TUB: variants seen among roughly 807,000 people sequenced by gnomAD.
The protein encoded by TUB is tubby protein homolog.
Under a neutral mutation model 59.7 loss-of-function variants are expected in TUB, and 33 were observed. That is an observed-to-expected ratio of 0.55 (90% CI 0.42 to 0.74). TUB has a LOEUF of 0.74. TUB is among the 30% of genes least tolerant of loss of function. The pLI, the probability that TUB is intolerant of heterozygous loss-of-function variation, is 0.00. For missense variants in TUB, 659 were observed against 672.0 expected, an observed-to-expected ratio of 0.98 and a Z score of 0.21; for synonymous variants, 293 against 256.4, an observed-to-expected ratio of 1.14 and a Z score of -1.36.
chr11:8,100,680 G>A, intron 10 of TUB, 79 bp downstream of exon 10: 11 of 1,510,192 alleles, frequency 7.3e-6, no homozygotes, highest in Non-Finnish European at 1.0e-5. Flanking sequence ...AACTCCAGCT[G>A]ATGTGTGTAT....
chr11:8,095,415 C>T (rs960318807), intron 4 of TUB, 83 bp from the exon 5 acceptor site: 32 of 1,448,790 alleles, frequency 2.2e-5, no homozygotes, highest in Non-Finnish European at 3.0e-5. Flanking sequence ...CCACTCTTCC[C>T]TCATCCCCTT....
chr11:8,073,244 A>G (rs1943390247), intron 2 of TUB, among the ~76,000 whole-genome samples: 1 of 152,174 alleles, frequency 6.6e-6, no homozygotes, highest in South Asian at 2.1e-4. Context: ...AGAGTCTGAT[A>G]TTTAGAATCA....
chr11:8,094,793 G>C (rs1168967543), intron 4 of TUB, among the ~76,000 whole-genome samples: 1 of 152,332 alleles, frequency 6.6e-6, no homozygotes, highest in East Asian at 1.9e-4. Flanking sequence ...TTTTGTTCAC[G>C]GACAGTGGTT....
chr11:8,065,395 G>A (rs1365232480), intron 2 of TUB, among the ~76,000 whole-genome samples: 1 of 152,196 alleles, frequency 6.6e-6, no homozygotes, highest in African/African-American at 2.4e-5. Context: ...ACAGAGTTAA[G>A]AAGTGGTTTC....
chr11:8,065,021 G>C (rs1015273644), intron 2 of TUB, among the ~76,000 whole-genome samples: 1 of 152,228 alleles, frequency 6.6e-6, no homozygotes, highest in African/African-American at 2.4e-5. Context: ...AGGATGCTAG[G>C]GGATGAGAGG....
At chr11:8,079,912 T>A (rs1316119994), upstream of TUB, among the ~76,000 whole-genome samples, 1 of 152,142 alleles carries the variant, frequency 6.6e-6, no homozygotes, top group Non-Finnish European at 1.5e-5. Flanking sequence ...CCTTCTAGGG[T>A]GGCTATGAGG....
chr11:8,041,588 A>T (rs1462363060), intron 2 of TUB, among the ~76,000 whole-genome samples: 1 of 152,108 alleles, frequency 6.6e-6, no homozygotes, highest in Non-Finnish European at 1.5e-5. Flanking sequence ...CCACCTGTGA[A>T]ACCTTAATCT....
chr11:8,046,681 G>C (rs1178583173), intron 2 of TUB, among the ~76,000 whole-genome samples: 2 of 151,482 alleles, frequency 1.3e-5, no homozygotes, highest in African/African-American at 4.9e-5. Flanking sequence ...ATAGCAGCCT[G>C]CAAACTGCCT....
intron 2 of TUB, among the ~76,000 whole-genome samples, chr11:8,047,123 G>C (rs989044725): frequency 6.6e-6 from 1 of 151,956 alleles, no homozygotes; most frequent in South Asian, 2.1e-4. Context: ...CTCCAGCATC[G>C]TCTCCTCTCC....
At chr11:8,097,165 A>G in intron 6 of TUB, 63 bp from the exon 7 acceptor site, 2 of 1,582,438 alleles carry the variant, frequency 1.3e-6, no homozygotes, top group Admixed American at 3.4e-5. Flanking sequence ...TTTGGATCCC[A>G]GACCACCAAT....
upstream of TUB, among the ~76,000 whole-genome samples, chr11:8,080,158 T>C (rs1271844048): frequency 6.6e-6 from 1 of 152,176 alleles, no homozygotes; most frequent in Non-Finnish European, 1.5e-5. Flanking sequence ...CCTGACCGCC[T>C]ATTTATCATC....
At chr11:8,101,115 G>A (rs1271573598) in intron 11 of TUB, 118 bp downstream of exon 11, 15 of 1,239,148 alleles carry the variant, frequency 1.2e-5, no homozygotes, top group South Asian at 4.4e-5. Context: ...GAGCTATACA[G>A]CTAAGGTTAG....
In TUB at chr11:8,084,683, C is replaced by G. The variant is rs138760956; in HGVS notation, c.38+3135C>G. ...TTCCTGGTCATGTCCCCAGCACAGA[C>G]AAGACGTCCACTTCTTTGAATCAAA... On this transcript the variant is annotated intron_variant, in intron 1 of 11. Coordinates refer to ENST00000299506, the MANE Select transcript of TUB (RefSeq NM_177972.3). 7.0e-4 allele frequency among the ~76,000 whole-genome samples: 106 copies of G among 152,322 alleles called. 1 individual carries two copies. In the East Asian group the frequency reaches 0.018, roughly 26 times the overall value.
chr11:8,071,181 G>A (rs944720137), intron 2 of TUB, among the ~76,000 whole-genome samples: 13 of 152,106 alleles, frequency 8.5e-5, no homozygotes, highest in Admixed American at 3.3e-4. Context: ...TGCATCCTGC[G>A]CTGCCATCTG....
At chr11:8,098,954 C>A in intron 9 of TUB, 79 bp downstream of exon 9, 1 of 1,058,038 alleles carries the variant, frequency 9.5e-7, no homozygotes, top group Non-Finnish European at 1.5e-6. Context: ...TAGGGGCTAT[C>A]CCATCCATCT....
intron 1 of TUB, among the ~76,000 whole-genome samples, chr11:8,085,483 T>A (rs1453449577): frequency 1.3e-5 from 2 of 152,216 alleles, no homozygotes; most frequent in African/African-American, 2.4e-5. Flanking sequence ...CCCAGTAAGC[T>A]GCCAGGCGAC....
Position 8,100,910 on chromosome 11 carries a change from G to A in TUB, c.1300G>A (p.Asp434Asn). The A allele has an allele frequency of 1.9e-6, 3 of 1,614,170 alleles. No homozygotes were observed. The highest frequency in any genetic ancestry group is 2.5e-6 in the Non-Finnish European group (3 of 1,180,030). Residue 434 changes from aspartate to asparagine, a missense_variant, in exon 11 of 12, where the codon GAT becomes AAT. By Grantham distance (23) the Asp-to-Asn change is conservative. Around this residue, in one of 3 missense-constraint regions of TUB, gnomAD observed 226 missense variants for 210.8 expected, o/e 1.07. Coordinates refer to ENST00000299506, the MANE Select transcript of TUB (RefSeq NM_177972.3). ...GCAAAACAAGACACCTGTCTGGAATGATGACACACAGTCCTATGTACTCAA... is the reference window on the plus strand; with the variant it reads ...GCAAAACAAGACACCTGTCTGGAATAATGACACACAGTCCTATGTACTCAA... ...ELQNKTPVWN[D>N]DTQSYVLNFH...
At chr11:8,042,437 CTT>C (rs1178229431) in intron 2 of TUB, among the ~76,000 whole-genome samples, 2 of 152,080 alleles carry the variant, frequency 1.3e-5, no homozygotes, top group Non-Finnish European at 2.9e-5. Flanking sequence ...GATATAAACT[CTT>C]GTGTCCAGGT....
At chr11:8,045,227 A>G (rs1942813637) in intron 2 of TUB, among the ~76,000 whole-genome samples, 1 of 152,152 alleles carries the variant, frequency 6.6e-6, no homozygotes, top group African/African-American at 2.4e-5. Context: ...AAACTCAGGT[A>G]TGGTTGAAAG....
Sources: allele counts gnomAD v4.1 joint callset (sites outside exome capture counted in the v4.1 genomes callset), GRCh38; gene constraint gnomAD v4.1.1; regional missense constraint gnomAD v4.1.1; transcripts MANE v1.5; gene names NCBI Gene and HGNC (gene_info 2026-07-23, HGNC 2026-07-21).